PAX4: variants seen among roughly 807,000 people sequenced by gnomAD.
The protein encoded by PAX4 is paired box 4.
A neutral mutation model predicts 40.6 loss-of-function variants in PAX4; 33 were observed. The ratio of observed to expected loss-of-function variants is 0.81; its 90% CI spans 0.62 to 1.09. The LOEUF is 1.09. PAX4 is among the 50% of genes least tolerant of loss of function. The pLI is 0.00. For missense variants in PAX4, 459 were observed against 442.5 expected (o/e 1.04, Z -0.33); for synonymous variants, 174 against 170.6 (o/e 1.02, Z -0.16).
Position 127,615,990 on chromosome 7 carries a change from T to A in PAX4, c.-62A>T. ...AGCTGGGAAGGCTGGGAAGGGAAGT[T>A]CCTTCTAGGAGCTCCTTTTCCAGCT... On this transcript the variant is annotated 5_prime_UTR_variant, in exon 3 of 12. Coordinates refer to ENST00000639438, the MANE Select transcript of PAX4 (RefSeq NM_001366110.1). The A allele has an allele frequency of 1.3e-6, 2 of 1,529,262 alleles. No homozygotes were observed. The highest frequency in any genetic ancestry group is 1.8e-6 in the Non-Finnish European group (2 of 1,141,296). The allele number at this position is 1,529,262 out of a possible 1,614,324, so 94.7% of individuals were successfully genotyped here. A position where few individuals can be genotyped will look rare whatever the true frequency, so the allele number is the denominator to read the frequency against.
chr7:127,611,054 C>T lies in PAX4; in HGVS notation c.*10G>A, dbSNP rs748891484. The T allele has an allele frequency of 1.5e-5, 24 of 1,598,322 alleles. No homozygotes were observed. In the South Asian group the frequency reaches 2.4e-4, roughly 16 times the overall value. Reference sequence around the variant, plus strand: ...GATCTTCTCTATGCCATCTCCTTCCCACTCCTGCCTCATTCCAAGCCATAC... The same window carrying T: ...GATCTTCTCTATGCCATCTCCTTCCTACTCCTGCCTCATTCCAAGCCATAC... On this transcript the variant is annotated 3_prime_UTR_variant, in exon 12 of 12. Transcript: ENST00000639438.
intron 9 of PAX4, 87 bp downstream of exon 9, chr7:127,612,935 G>A (rs1465249375): frequency 3.2e-6 from 2 of 619,808 alleles, no homozygotes; most frequent in Non-Finnish European, 5.3e-6. Flanking sequence ...GACGAATGGA[G>A]GATGGATGGA....
chr7:127,615,368 C>G (rs1220115991), intron 4 of PAX4, 33 bp downstream of exon 4: 1 of 1,614,068 alleles, frequency 6.2e-7, no homozygotes, highest in Non-Finnish European at 8.5e-7. Flanking sequence ...TGCTTCCTGT[C>G]CCCATCACTG....
In PAX4 at chr7:127,617,999, G is replaced by A. The variant is rs959564527; in HGVS notation, c.-263C>T. 2.6e-5 allele frequency: 4 copies of A among 152,192 alleles called. No homozygotes were observed. The highest frequency in any genetic ancestry group is 9.7e-5 in the African/African-American group (4 of 41,410). 9.4% of individuals were successfully genotyped at this position (152,192 alleles called of 1,614,324 possible). ...AATGAGGTGGGAGCTTCAGTGGGAG[G>A]TCTCAGCTTCTGAGACCCCTGCAGG... On this transcript the variant is annotated 5_prime_UTR_variant, in exon 1 of 12. Transcript: ENST00000639438.
intron 9 of PAX4, 127 bp from the exon 10 acceptor site, chr7:127,612,127 T>G (rs1794637205): frequency 2.4e-6 from 2 of 840,776 alleles, no homozygotes; most frequent in African/African-American, 3.3e-5. Flanking sequence ...TGCAGGGGTG[T>G]GAAGAGATGG....
In PAX4 at chr7:127,613,480, A is replaced by C. The variant is rs758502633; in HGVS notation, c.615T>G (p.Thr205=). Residue 205 remains threonine, a synonymous_variant, in exon 8 of 12, where the codon ACT becomes ACG. Coordinates refer to ENST00000639438, the MANE Select transcript of PAX4 (RefSeq NM_001366110.1). ...PDSVARGKLA[T]ATSLPEDTVR... ...CCGTGTCCTCAGGCAGAGAGGTGGCAGTAGCCAGCTTTCCACGGGCCACTG... is the reference window on the plus strand; with the variant it reads ...CCGTGTCCTCAGGCAGAGAGGTGGCCGTAGCCAGCTTTCCACGGGCCACTG... 6.2e-7 allele frequency: 1 copy of C among 1,614,204 alleles called. No individual in the cohort carries two copies. Among genetic ancestry groups the C allele is most frequent in the Admixed American group, 1.7e-5 (1 of 60,024 alleles).
rs3824004 is a variant in PAX4 at position 127,613,497 on chromosome 7, G to T, written c.598C>A (p.Arg200Ser). The change falls in exon 8 of 12, where the codon CGT becomes AGT. Residue 200 changes from arginine (R) to serine (S), a missense_variant. Arg to Ser is a moderately radical substitution (Grantham distance 110, BLOSUM62 -1). Coordinates refer to ENST00000639438, the MANE Select transcript of PAX4 (RefSeq NM_001366110.1). ...QRGQYPDSVA[R>S]GKLATATSLP... ...GAGGTGGCAGTAGCCAGCTTTCCAC[G>T]GGCCACTGAATCAGGATACTGCCCA... 9.6e-4 allele frequency: 1,551 copies of T among 1,614,154 alleles called. 23 individuals carry two copies. The East Asian group carries it at 0.033, about 34-fold the overall frequency.
At chr7:127,611,845 G>A (rs1452546034) in intron 10 of PAX4, 100 bp downstream of exon 10, 1 of 1,596,760 alleles carries the variant, frequency 6.3e-7, no homozygotes, top group Non-Finnish European at 8.5e-7. Context: ...AACACTGTGG[G>A]GCCCTGGAGA....
rs980524300 is a variant in PAX4, at chr7:127,614,994, G to C, written c.246C>G (p.Pro82=). The change falls in exon 5 of 12, where the codon CCC becomes CCG. Residue 82 remains proline, a synonymous_variant. Coordinates refer to ENST00000639438, the MANE Select transcript of PAX4 (RefSeq NM_001366110.1). ...IGGSKPRLAT[P]PVVARIAQLK... is the part of the protein sequence containing the mutation. ...GCTGGGCAATTCGAGCCACCACAGG[G>C]GGTGTAGCCAGCCGTGGCTTGCTTC... The C allele has an allele frequency of 1.9e-6, 3 of 1,614,160 alleles. No homozygotes were observed. Among genetic ancestry groups the C allele is most frequent in the Non-Finnish European group, 1.7e-6 (2 of 1,180,028 alleles).
Position 127,613,457 on chromosome 7 carries a change from G to T in PAX4, c.638C>A (p.Thr213Lys). 6.2e-7 allele frequency: 1 copy of T among 1,613,896 alleles called. No individual in the cohort carries two copies. Residue 213 changes from threonine (T) to lysine (K), a missense_variant, in exon 8 of 12, where the codon ACG becomes AAG. By Grantham distance (78) the Thr-to-Lys change is moderately conservative (BLOSUM62 -1). Transcript: ENST00000639438. ...LATATSLPEDTVRVWFSNRRA... is the reference protein window; with the variant it reads ...LATATSLPEDKVRVWFSNRRA... ...GTTGCAGAGCTCACTCACCCTCACC[G>T]TGTCCTCAGGCAGAGAGGTGGCAGT...
rs1794700628 is a variant in PAX4, at chr7:127,614,985, C to A, written c.255G>T (p.Val85=). The A allele has an allele frequency of 6.2e-7, 1 of 1,614,104 alleles. No individual in the cohort carries two copies. The highest frequency in any genetic ancestry group is 1.1e-5 in the South Asian group (1 of 91,094). ...SKPRLATPPV[V]ARIAQLKGEC... Reference sequence around the variant, plus strand: ...CACCCTTCAGCTGGGCAATTCGAGCCACCACAGGGGGTGTAGCCAGCCGTG... The same window carrying A: ...CACCCTTCAGCTGGGCAATTCGAGCAACCACAGGGGGTGTAGCCAGCCGTG... The change falls in exon 5 of 12, where the codon GTG becomes GTT. Residue 85 remains valine (V), a synonymous_variant. Transcript: ENST00000639438.
In PAX4 at chr7:127,615,905, A is replaced by G. The variant is rs1562961204; in HGVS notation, c.13+11T>C. On this transcript the variant is annotated intron_variant, in intron 3 of 11. Coordinates refer to ENST00000639438, the MANE Select transcript of PAX4 (RefSeq NM_001366110.1). ...TCCTCCCTGTCTTCCCACTTCCCCC[A>G]GGCTCCTCACCGTCCTGATGCATGC... 1 of 1,536,056 alleles carries G rather than the reference A, an allele frequency of 6.5e-7. No homozygotes were observed. Among genetic ancestry groups the G allele is most frequent in the Admixed American group, 2.0e-5 (1 of 50,980 alleles).
rs543286105 is a variant in PAX4, at chr7:127,615,425, G to A, written c.120C>T (p.Pro40=). Residue 40 remains proline, a synonymous_variant, in exon 4 of 12, where the codon CCC becomes CCT. Transcript: ENST00000639438. The part of the protein sequence containing the change: ...IVRLAVSGMR[P]CDISRILKVS... ...CCTTAAGGATCCGTGAGATGTCACA[G>A]GGCCGCATTCCACTGACTGCTAGCC... 2 of 1,614,204 alleles carry A rather than the reference G, an allele frequency of 1.2e-6. No individual in the cohort carries two copies. Among genetic ancestry groups the A allele is most frequent in the African/African-American group, 1.3e-5 (1 of 75,052 alleles).
chr7:127,610,590 T>TACAA lies in PAX4; in HGVS notation c.*473_*474insTTGT. The stretch of plus-strand genomic sequence containing the variant: ...GTGTGTGCGCGCACGCATGCACGCA[T>TACAA]ACATAATACACATATAGATGCATAC... On this transcript the variant is annotated 3_prime_UTR_variant, in exon 12 of 12. Coordinates refer to ENST00000639438, the MANE Select transcript of PAX4 (RefSeq NM_001366110.1). 4.1e-6 allele frequency: 2 copies of TACAA among 484,984 alleles called. No individual in the cohort carries two copies. Among genetic ancestry groups the TACAA allele is most frequent in the Non-Finnish European group, 7.5e-6 (2 of 265,650 alleles). 30.0% of individuals were successfully genotyped at this position (484,984 alleles called of 1,614,324 possible). A position where few individuals can be genotyped will look rare whatever the true frequency, so the allele number is the denominator to read the frequency against.
At position 127,614,535 on chromosome 7, in the gene PAX4, A is replaced by G; in HGVS notation, c.383T>C (p.Leu128Pro). The change falls in exon 6 of 12, where the codon CTG becomes CCG. Residue 128 changes from leucine (L) to proline (P), a missense_variant. By Grantham distance (98) the Leu-to-Pro change is moderately conservative. Transcript: ENST00000639438. ...TCCCTGGTCCTCCTGTAATGCCCGC[A>G]GGACTCGGTTGATGGAGGAGACCTG... The part of the protein sequence containing the change: ...TPSVSSINRV[L>P]RALQEDQGLP... 1 of 1,595,200 alleles carries G rather than the reference A, an allele frequency of 6.3e-7. No individual in the cohort carries two copies. Among genetic ancestry groups the G allele is most frequent in the Non-Finnish European group, 8.5e-7 (1 of 1,170,410 alleles).
rs751789061 is a variant in PAX4 at position 127,613,086 on chromosome 7, C to T, written c.651G>A (p.Trp217Ter). 27 of 1,613,346 alleles carry T rather than the reference C, an allele frequency of 1.7e-5. No individual in the cohort carries two copies. Among genetic ancestry groups the T allele is most frequent in the South Asian group, 2.2e-5 (2 of 91,056 alleles). Residue 217 changes from tryptophan to a stop codon, truncating the protein, a stop_gained, in exon 9 of 12, where the codon TGG (tryptophan) becomes TGA (stop). Coordinates refer to ENST00000639438, the MANE Select transcript of PAX4 (RefSeq NM_001366110.1). LOFTEE classifies it high-confidence loss of function. The stretch of plus-strand genomic sequence containing the variant: ...GCCATTTGGCTCTTCTGTTGGAAAA[C>T]CAGACCTGAGCGAGGACAGGGACAA... Reference protein sequence around the residue: ...TSLPEDTVRVWFSNRRAKWRR... With the variant: ...TSLPEDTVRV
rs919392127 is a variant in PAX4 at position 127,613,978 on chromosome 7, A to G, written c.437-97T>C. On this transcript the variant is annotated intron_variant, in intron 6 of 11. Coordinates refer to ENST00000639438, the MANE Select transcript of PAX4 (RefSeq NM_001366110.1). The stretch of plus-strand genomic sequence containing the variant: ...TCTGGGGCTGCAGCCGGGAGACACC[A>G]TGGGTAGAAGAGCAGAGCCAAGCTG... 4.1e-6 allele frequency: 6 copies of G among 1,446,020 alleles called. No homozygotes were observed. The South Asian group carries it at 4.8e-5, about 11-fold the overall frequency. 89.6% of individuals were successfully genotyped at this position (1,446,020 alleles called of 1,614,324 possible).
intron 11 of PAX4, among the ~76,000 whole-genome samples, 160 bp downstream of exon 11, chr7:127,611,375 G>T (rs1171940333): frequency 1.3e-5 from 2 of 152,126 alleles, no homozygotes; most frequent in Non-Finnish European, 2.9e-5. Context: ...TAGACTCAGG[G>T]GTTACTAGTC....
chr7:127,614,426 T>C, intron 6 of PAX4, 56 bp downstream of exon 6: 1 of 1,360,016 alleles, frequency 7.4e-7, no homozygotes. Flanking sequence ...CTTTGAGAAC[T>C]ATAAAATGCT....
Sources: allele counts gnomAD v4.1 joint callset (sites outside exome capture counted in the v4.1 genomes callset), GRCh38; gene constraint gnomAD v4.1.1; transcripts MANE v1.5; gene names NCBI Gene and HGNC (gene_info 2026-07-23, HGNC 2026-07-21).